Variants in STARD13 observed in about 807,000 individuals in gnomAD.
The protein encoded by STARD13 is StAR related lipid transfer domain containing 13.
A neutral mutation model predicts 106.4 loss-of-function variants in STARD13; 62 were observed. The ratio of observed to expected loss-of-function variants is 0.58; its 90% CI spans 0.48 to 0.72. STARD13 has a LOEUF of 0.72. STARD13 is among the 30% of genes least tolerant of loss of function. STARD13 has a pLI of 0.00. For synonymous variants in STARD13, 565 were observed against 553.0 expected (o/e 1.02, Z -0.31); for missense variants, 1,387 against 1,424.0 (o/e 0.97, Z 0.42).
intron 1 of STARD13, among the ~76,000 whole-genome samples, chr13:33,256,390 C>T (rs1297774645): frequency 1.3e-5 from 2 of 152,208 alleles, no homozygotes; most frequent in African/African-American, 4.8e-5. Context: ...ACTTCCTCCC[C>T]TCTTGCAAAT....
At chr13:33,146,529 G>A (rs9563179) in intron 3 of STARD13, among the ~76,000 whole-genome samples, 119,570 of 152,036 alleles carry the variant, frequency 0.79, 47,136 homozygotes, top group South Asian at 0.81. Context: ...TAGTTACATA[G>A]CTGTACATTT....
the STARD13 span, among the ~76,000 whole-genome samples, chr13:33,523,993 C>A: frequency 6.6e-5 from 10 of 152,046 alleles, no homozygotes; most frequent in Non-Finnish European, 1.2e-4. Context: ...ATGGACTAAC[C>A]GTTTTACCTT....
chr13:33,332,370 C>T (rs932649710), intron 1 of STARD13, among the ~76,000 whole-genome samples: 8 of 152,176 alleles, frequency 5.3e-5, no homozygotes, highest in African/African-American at 1.9e-4. Context: ...GTTGAAGTCC[C>T]AACCCCCAGT....
chr13:33,225,524 T>A (rs1187919740), intron 1 of STARD13, among the ~76,000 whole-genome samples: 1 of 152,228 alleles, frequency 6.6e-6, no homozygotes, highest in Non-Finnish European at 1.5e-5. Context: ...GTCCTATGAA[T>A]AAAACAGAAG....
At chr13:33,181,619 A>G (rs1885243466) in intron 1 of STARD13, among the ~76,000 whole-genome samples, 1 of 152,224 alleles carries the variant, frequency 6.6e-6, no homozygotes, top group Non-Finnish European at 1.5e-5. Flanking sequence ...AAAATGTATT[A>G]TGAAAGTCCT....
chr13:33,355,830 C>G, the STARD13 span, among the ~76,000 whole-genome samples: 1 of 152,224 alleles, frequency 6.6e-6, no homozygotes, highest in South Asian at 2.1e-4. Flanking sequence ...TTGCCATGCT[C>G]TGAATCTGCC....
At position 33,203,584 on chromosome 13, in the gene STARD13, C is replaced by A. The variant is rs545296523; in HGVS notation, c.170-35962G>T. Among the ~76,000 whole-genome samples, 4 of 152,140 alleles carry A rather than the reference C, an allele frequency of 2.6e-5. No individual in the cohort carries two copies. The South Asian group carries it at 8.3e-4, about 32-fold the overall frequency. ...ACCATACTAAATCAAAGCAGCATCA[C>A]ACCAATTTTAGCCCTATTTTTTAAA... On this transcript the variant is annotated intron_variant, in intron 1 of 13. Coordinates refer to ENST00000336934, the MANE Select transcript of STARD13 (RefSeq NM_178006.4).
the STARD13 span, among the ~76,000 whole-genome samples, chr13:33,357,845 C>T: frequency 5.9e-5 from 9 of 152,218 alleles, no homozygotes; most frequent in African/African-American, 1.7e-4. Context: ...CGCTTGCTCT[C>T]GGCAACTCCC....
exon 1 of STARD13, chr13:33,350,531 AC>A: frequency 7.0e-7 from 1 of 1,438,596 alleles, no homozygotes; most frequent in East Asian, 2.7e-5. Flanking sequence ...GGGTCCCGGG[AC>A]CCAATGCGGG....
chr13:33,157,459 C>T (rs544118945), intron 3 of STARD13, among the ~76,000 whole-genome samples: 5 of 152,066 alleles, frequency 3.3e-5, no homozygotes, highest in South Asian at 4.1e-4. Context: ...CTTGAGGTCA[C>T]GAGTTTGAAA....
At chr13:33,258,496 T>C (rs1043615096) in intron 1 of STARD13, among the ~76,000 whole-genome samples, 2 of 148,942 alleles carry the variant, frequency 1.3e-5, no homozygotes, top group African/African-American at 2.5e-5. Context: ...AAAAAAAGAG[T>C]GGCCTTTTCA....
Position 33,117,892 on chromosome 13 carries a change from G to A in STARD13, c.2281+173C>T, listed in dbSNP as rs1875622372. 4.1e-6 allele frequency: 4 copies of A among 985,204 alleles called. No homozygotes were observed. In the South Asian group the frequency reaches 1.9e-4, roughly 46 times the overall value. 61.0% of individuals were successfully genotyped at this position (985,204 alleles called of 1,614,324 possible). On this transcript the variant is annotated intron_variant, in intron 8 of 13. Coordinates refer to ENST00000336934, the MANE Select transcript of STARD13 (RefSeq NM_178006.4). Reference sequence around the variant, plus strand: ...CAAATGCATAAAAAAATGGCTTGTGGATTTCCATATCAAACTTTGAGCAAA... The same window carrying A: ...CAAATGCATAAAAAAATGGCTTGTGAATTTCCATATCAAACTTTGAGCAAA...
the STARD13 span, among the ~76,000 whole-genome samples, chr13:33,539,054 C>G: frequency 3.3e-4 from 51 of 152,290 alleles, no homozygotes; most frequent in Admixed American, 9.2e-4. Context: ...TAGGCGTGAG[C>G]CACTGCGCCC....
chr13:33,250,166 G>A (rs551489055), intron 1 of STARD13, among the ~76,000 whole-genome samples: 10 of 152,154 alleles, frequency 6.6e-5, no homozygotes, highest in African/African-American at 2.4e-4. Flanking sequence ...GACTAAAAGA[G>A]CAACAACAAT....
chr13:33,607,920 GT>G, the STARD13 span, among the ~76,000 whole-genome samples: 1 of 152,014 alleles, frequency 6.6e-6, no homozygotes, highest in Non-Finnish European at 1.5e-5. Context: ...TAAAGAAACC[GT>G]TTTTTAGAGA....
At chr13:33,655,003 C>T in the STARD13 span, among the ~76,000 whole-genome samples, 2 of 152,242 alleles carry the variant, frequency 1.3e-5, no homozygotes, top group East Asian at 1.9e-4. Flanking sequence ...CCGTCCCTCA[C>T]CCCTGGAGGT....
intron 1 of STARD13, among the ~76,000 whole-genome samples, chr13:33,236,520 C>T (rs17078841): frequency 0.019 from 2,851 of 152,320 alleles, 94 homozygotes; most frequent in African/African-American, 0.066. Flanking sequence ...GATTTCCAAA[C>T]TTTGGAGTGC....
chr13:33,311,313 A>C (rs1893129990), intron 1 of STARD13, among the ~76,000 whole-genome samples: 1 of 152,078 alleles, frequency 6.6e-6, no homozygotes, highest in East Asian at 1.9e-4. Context: ...ATAAAACTAA[A>C]AATAAAAAGA....
chr13:33,616,114 G>C, the STARD13 span, among the ~76,000 whole-genome samples: 1 of 147,382 alleles, frequency 6.8e-6, no homozygotes, highest in Non-Finnish European at 1.5e-5. Context: ...GCTTAAAAAA[G>C]AAAAAGGAGG....
Sources: allele counts gnomAD v4.1 joint callset (sites outside exome capture counted in the v4.1 genomes callset), GRCh38; gene constraint gnomAD v4.1.1; transcripts MANE v1.5; gene names NCBI Gene and HGNC (gene_info 2026-07-23, HGNC 2026-07-21).